ABCA13: variants seen among roughly 807,000 people sequenced by gnomAD.
ABCA13 encodes the protein ATP binding cassette subfamily A member 13.
In ABCA13, 476 loss-of-function variants were observed where a neutral mutation model predicts 478.7. The ratio of observed to expected loss-of-function variants is 0.99; its 90% CI spans 0.92 to 1.07. The LOEUF is 1.07. Among genes scored for constraint, ABCA13 ranks in the 50% least tolerant of loss-of-function variants. The probability of loss-of-function intolerance (pLI) is 0.00; values close to 1 mark genes in which losing one functional copy is unlikely to be tolerated. For synonymous variants in ABCA13, 2,252 were observed against 2,158.9 expected (o/e 1.04, Z -1.20); for missense variants, 6,060 against 5,910.6 (o/e 1.03, Z -0.83).
intron 1 of ABCA13, among the ~76,000 whole-genome samples, chr7:48,179,130 AG>A (rs1378385716): frequency 6.6e-6 from 1 of 152,054 alleles, no homozygotes; most frequent in Non-Finnish European, 1.5e-5. Context: ...TGGCCCAGAT[AG>A]GCCTGGGTTT....
At chr7:48,569,143 A>G (rs946167773) in intron 55 of ABCA13, among the ~76,000 whole-genome samples, 1 of 151,322 alleles carries the variant, frequency 6.6e-6, no homozygotes, top group Non-Finnish European at 1.5e-5. Context: ...TTATTTTTTT[A>G]TTCTGTTTTC....
chr7:48,455,764 A>G (rs1825600123), intron 43 of ABCA13, among the ~76,000 whole-genome samples: 1 of 152,242 alleles, frequency 6.6e-6, no homozygotes, highest in Non-Finnish European at 1.5e-5. Context: ...CACGGAAGGG[A>G]TGGAAGCCCT....
chr7:48,618,507 A>G (rs1163534298), intron 59 of ABCA13, among the ~76,000 whole-genome samples: 1 of 152,202 alleles, frequency 6.6e-6, no homozygotes, highest in African/African-American at 2.4e-5. Flanking sequence ...CTTTGAAAAT[A>G]CCATGTATTA....
chr7:48,204,639 TC>T (rs1342571006), intron 3 of ABCA13, among the ~76,000 whole-genome samples: 1 of 152,162 alleles, frequency 6.6e-6, no homozygotes, highest in African/African-American at 2.4e-5. Flanking sequence ...TGATGAGTAC[TC>T]CCCTCCCCTT....
intron 39 of ABCA13, among the ~76,000 whole-genome samples, 188 bp from the exon 40 acceptor site, chr7:48,410,332 C>T (rs1818837166): frequency 1.3e-5 from 2 of 152,094 alleles, no homozygotes; most frequent in African/African-American, 4.8e-5. Flanking sequence ...GTGGAAACTA[C>T]TGTAGAGGAA....
chr7:48,637,967 C>A (rs1169651085), intron 59 of ABCA13, among the ~76,000 whole-genome samples: 1 of 152,154 alleles, frequency 6.6e-6, no homozygotes, highest in African/African-American at 2.4e-5. Flanking sequence ...TCTACTGTAA[C>A]AACTGATGGC....
Position 48,602,070 on chromosome 7 carries a change from G to T in ABCA13, c.14744+7257G>T, listed in dbSNP as rs1790950654. Among the ~76,000 whole-genome samples, 3 of 152,158 alleles carry T rather than the reference G, an allele frequency of 2.0e-5. No homozygotes were observed. The South Asian group carries it at 6.2e-4, about 32-fold the overall frequency. ...CCTTTGCCCACTTTTTGATGGGGTT[G>T]TTTCTTTTTTTCTTGTAAATTTGTT... On this transcript the variant is annotated intron_variant, in intron 58 of 61. Transcript: ENST00000435803.
intron 59 of ABCA13, among the ~76,000 whole-genome samples, chr7:48,622,735 A>G (rs74798443): frequency 0.022 from 3,396 of 152,292 alleles, 48 homozygotes; most frequent in South Asian, 0.053. Context: ...TAATTCTTAT[A>G]TAGTGCTTAC....
intron 56 of ABCA13, 98 bp downstream of exon 56, chr7:48,580,472 A>G: frequency 6.8e-6 from 8 of 1,179,394 alleles, no homozygotes; most frequent in South Asian, 1.6e-5. Flanking sequence ...TATGAGGAGA[A>G]GGAACTGTAG....
chr7:48,478,065 T>C (rs1361295899), intron 45 of ABCA13, among the ~76,000 whole-genome samples: 1 of 151,210 alleles, frequency 6.6e-6, no homozygotes, highest in Non-Finnish European at 1.5e-5. Flanking sequence ...AAGCTGGAGG[T>C]AGGGAAACTT....
chr7:48,258,115 G>A (rs890309277), intron 15 of ABCA13, among the ~76,000 whole-genome samples: 78 of 152,054 alleles, frequency 5.1e-4, no homozygotes, highest in African/African-American at 1.9e-3. Context: ...GTAGAGACAG[G>A]GTCCTGCTAT....
intron 58 of ABCA13, among the ~76,000 whole-genome samples, chr7:48,608,092 G>T (rs926880505): frequency 1.3e-5 from 2 of 151,804 alleles, no homozygotes; most frequent in Admixed American, 6.6e-5. Flanking sequence ...TGTTGGTCAG[G>T]CTGGTCTGGA....
At chr7:48,479,128 T>G (rs1245688062) in intron 45 of ABCA13, among the ~76,000 whole-genome samples, 4 of 151,242 alleles carry the variant, frequency 2.6e-5, no homozygotes, top group African/African-American at 9.7e-5. Context: ...TTTTTTGTAT[T>G]TTTAGTAGTG....
At chr7:48,595,052 G>A (rs1217404160) in intron 58 of ABCA13, among the ~76,000 whole-genome samples, 2 of 152,190 alleles carry the variant, frequency 1.3e-5, no homozygotes, top group Non-Finnish European at 2.9e-5. Context: ...TGAACCTAGT[G>A]TTCTGTGTCC....
At chr7:48,281,228 G>T in intron 18 of ABCA13, 115 bp from the exon 19 acceptor site, 1 of 789,990 alleles carries the variant, frequency 1.3e-6, no homozygotes, top group South Asian at 1.6e-5. Context: ...ATATGATTAT[G>T]CAGGGAGGGA....
At chr7:48,490,372 C>T (rs1174028340) in intron 48 of ABCA13, among the ~76,000 whole-genome samples, 1 of 152,176 alleles carries the variant, frequency 6.6e-6, no homozygotes, top group Non-Finnish European at 1.5e-5. Context: ...CAATATTTGC[C>T]TACTTTACTG....
chr7:48,596,439 G>A (rs1230249549), intron 58 of ABCA13, among the ~76,000 whole-genome samples: 1 of 152,088 alleles, frequency 6.6e-6, no homozygotes, highest in Admixed American at 6.5e-5. Flanking sequence ...TTATAGACTT[G>A]TGCAAATATT....
chr7:48,630,345 T>C (rs537988169), intron 59 of ABCA13, among the ~76,000 whole-genome samples: 7 of 152,220 alleles, frequency 4.6e-5, no homozygotes, highest in Admixed American at 1.3e-4. Flanking sequence ...CCAGTGTCTA[T>C]TGTTCCTTTC....
At chr7:48,486,527 C>T (rs1210910726) in intron 47 of ABCA13, among the ~76,000 whole-genome samples, 1 of 152,086 alleles carries the variant, frequency 6.6e-6, no homozygotes, top group East Asian at 1.9e-4. Flanking sequence ...CCAGGCTTCT[C>T]AATTGTCTCT....
Sources: gnomAD v4.1 joint callset for allele counts (sites outside exome capture counted in the v4.1 genomes callset) on GRCh38, gnomAD v4.1.1 for gene constraint, MANE v1.5 for transcripts, NCBI Gene and HGNC (gene_info 2026-07-23, HGNC 2026-07-21) for gene names.